APOOL: variants seen among roughly 807,000 people sequenced by gnomAD.
APOOL encodes apolipoprotein O like.
A neutral mutation model predicts 23.1 loss-of-function variants in APOOL; 12 were observed. That is an observed-to-expected ratio of 0.52 (90% CI 0.33 to 0.84). The LOEUF (loss-of-function observed/expected upper bound fraction) is 0.84. Ranked by LOEUF, APOOL falls within the 40% of genes least tolerant of loss-of-function variation. The pLI is 0.02. For missense variants in APOOL, 212 were observed against 199.6 expected, an observed-to-expected ratio of 1.06 and a Z score of -0.37; for synonymous variants, 77 against 69.9, an observed-to-expected ratio of 1.10 and a Z score of -0.51.
rs778101091 is a variant in APOOL at position 85,040,165 on chromosome X, T to G, written c.16-6281T>G. ...TTCTCATTAGCTTATGAAGCATATT[T>G]TGGCTGGATATGATATTCTTGCTTG... On this transcript the variant is annotated intron_variant, in intron 1 of 8. Transcript: ENST00000373173. Among the ~76,000 whole-genome samples the G allele has an allele frequency of 1.6e-4, 18 of 112,274 alleles. No individual in the cohort carries two copies. The South Asian group carries it at 6.6e-3, about 41-fold the overall frequency.
intron 1 of APOOL, among the ~76,000 whole-genome samples, chrX:85,021,568 C>G (rs1921664277): frequency 1.8e-5 from 2 of 111,364 alleles, no homozygotes; most frequent in Non-Finnish European, 3.8e-5. Context: ...ACAACCCAGA[C>G]CCAGGTTCCA....
Position 85,092,714 on chromosome X carries a change from G to A in APOOL, c.*5036G>A. 1 of 505,806 alleles carries A rather than the reference G, an allele frequency of 2.0e-6. No homozygotes were observed. Among genetic ancestry groups the A allele is most frequent in the Non-Finnish European group, 3.0e-6 (1 of 330,859 alleles). 41.7% of individuals were successfully genotyped at this position (505,806 alleles called of 1,213,427 possible). On this transcript the variant is annotated 3_prime_UTR_variant, in exon 9 of 9. Coordinates refer to ENST00000373173, the MANE Select transcript of APOOL (RefSeq NM_198450.6). ...TTACCTTTTGAACTTTTCTATAGCT[G>A]TAAAAAGAAAAAAGTCTCACTGTTC...
chrX:85,046,782 A>G (rs965410490), intron 2 of APOOL, among the ~76,000 whole-genome samples: 1 of 111,917 alleles, frequency 8.9e-6, no homozygotes, highest in African/African-American at 3.2e-5. Context: ...ATGAATAATC[A>G]ATAAGTAGTG....
chrX:85,038,713 A>G (rs1922310530), intron 1 of APOOL, among the ~76,000 whole-genome samples: 1 of 108,370 alleles, frequency 9.2e-6, no homozygotes, highest in East Asian at 2.9e-4. Flanking sequence ...ATTTCATAAT[A>G]GTTTCTGGGG....
chrX:85,008,573 G>GTGTGTGTGTGTGTGTA (rs900170075), intron 1 of APOOL, among the ~76,000 whole-genome samples: 49 of 108,703 alleles, frequency 4.5e-4, no homozygotes, highest in Non-Finnish European at 4.0e-4. Context: ...GTGTGTGTGT[G>GTGTGTGTGTGTGTGTA]TATACCACAG....
intron 1 of APOOL, among the ~76,000 whole-genome samples, chrX:85,023,096 T>G (rs2147478319): frequency 8.9e-6 from 1 of 111,857 alleles, no homozygotes; most frequent in African/African-American, 3.2e-5. Context: ...TCTTTATAAA[T>G]TACCCAGTCT....
intron 3 of APOOL, 55 bp from the exon 4 acceptor site, chrX:85,054,289 C>A: frequency 9.4e-7 from 1 of 1,068,103 alleles, no homozygotes; most frequent in Non-Finnish European, 1.3e-6. Flanking sequence ...AATTTTATCT[C>A]ATTATCAACA....
chrX:85,058,139 G>T (rs1054510423), intron 5 of APOOL, among the ~76,000 whole-genome samples: 1 of 111,008 alleles, frequency 9.0e-6, no homozygotes, highest in African/African-American at 3.3e-5. Context: ...GTAAATGTGT[G>T]CCATGATGGT....
In APOOL at chrX:85,038,524, G is replaced by GTTTTTTTTTTTTT. The variant is rs56248244; in HGVS notation, c.16-7908_16-7896dup. The stretch of plus-strand genomic sequence containing the variant: ...TAAGCTGTGAATCTATCTGGTACAA[G>GTTTTTTTTTTTTT]TTTTTTTTTTTTTTTTTTTTTTTTT... On this transcript the variant is annotated intron_variant, in intron 1 of 8. Transcript: ENST00000373173. 7.6e-4 allele frequency among the ~76,000 whole-genome samples: 33 copies of GTTTTTTTTTTTTT among 43,428 alleles called. 1 individual carries two copies. The highest frequency in any genetic ancestry group is 3.5e-3 in the African/African-American group (33 of 9,313). 37.7% of individuals were successfully genotyped at this position (43,428 alleles called of 115,157 possible). A position where few individuals can be genotyped will look rare whatever the true frequency, so the allele number is the denominator to read the frequency against.
Position 85,014,529 on chromosome X carries a change from A to AT in APOOL, c.15+10615dup, listed in dbSNP as rs59334184. 8.3e-3 allele frequency among the ~76,000 whole-genome samples: 760 copies of AT among 91,435 alleles called. 8 individuals carry two copies. Among genetic ancestry groups the AT allele is most frequent in the East Asian group, 0.073 (211 of 2,905 alleles). 79.4% of individuals were successfully genotyped at this position (91,435 alleles called of 115,157 possible). Reference sequence around the variant, plus strand: ...GGCTTGGTAGTGGCAAATTCTCAGCATTTTTTTTTTTTTGTCTGAAAACGA... The same window carrying AT: ...GGCTTGGTAGTGGCAAATTCTCAGCATTTTTTTTTTTTTTGTCTGAAAACGA... On this transcript the variant is annotated intron_variant, in intron 1 of 8. Coordinates refer to ENST00000373173, the MANE Select transcript of APOOL (RefSeq NM_198450.6).
intron 8 of APOOL, among the ~76,000 whole-genome samples, chrX:85,080,776 C>T (rs1276548443): frequency 6.3e-5 from 7 of 111,581 alleles, no homozygotes; most frequent in African/African-American, 2.0e-4. Context: ...CTGGGTGCTC[C>T]TGTATTGGGT....
chrX:85,020,921 C>T (rs59887058), intron 1 of APOOL, among the ~76,000 whole-genome samples: 2,111 of 111,929 alleles, frequency 0.019, 57 homozygotes, highest in African/African-American at 0.064. Context: ...AGACTATCCC[C>T]AGCCCCAGAC....
At chrX:85,057,513 AATAT>A (rs965242037) in intron 5 of APOOL, among the ~76,000 whole-genome samples, 1 of 105,236 alleles carries the variant, frequency 9.5e-6, no homozygotes, top group Non-Finnish European at 1.9e-5. Context: ...ACATATATAT[AATAT>A]ATATATATGA....
At chrX:85,068,268 A>G (rs761373306) in intron 6 of APOOL, among the ~76,000 whole-genome samples, 2 of 111,095 alleles carry the variant, frequency 1.8e-5, no homozygotes, top group African/African-American at 3.3e-5. Context: ...TCATTTATCT[A>G]TAGGGAAACA....
At chrX:85,046,693 G>A (rs1000362410) in intron 2 of APOOL, 143 bp downstream of exon 2, 1 of 486,996 alleles carries the variant, frequency 2.1e-6, no homozygotes, top group East Asian at 3.9e-5. Context: ...AAATAGTTAT[G>A]AAGTATCTCA....
rs1755741950 is a variant in APOOL, at chrX:85,089,955, A to T, written c.*2277A>T. 1.3e-5 allele frequency: 1 copy of T among 77,768 alleles called. No individual in the cohort carries two copies. The highest frequency in any genetic ancestry group is 1.0e-3 in the South Asian group (1 of 984). 6.4% of individuals were successfully genotyped at this position (77,768 alleles called of 1,213,427 possible). A position where few individuals can be genotyped will look rare whatever the true frequency, so the allele number is the denominator to read the frequency against. On this transcript the variant is annotated 3_prime_UTR_variant, in exon 9 of 9. Coordinates refer to ENST00000373173, the MANE Select transcript of APOOL (RefSeq NM_198450.6). ...TAAACTAGTTAAACAAATATTTAAT[A>T]TTAGCTTAAGCAAAAAAAAAAAAAA...
chrX:85,062,140 C>G (rs1923252685), intron 5 of APOOL, among the ~76,000 whole-genome samples: 1 of 111,410 alleles, frequency 9.0e-6, no homozygotes, highest in Non-Finnish European at 1.9e-5. Flanking sequence ...ATTATTTACC[C>G]AGTAATCATT....
intron 1 of APOOL, among the ~76,000 whole-genome samples, chrX:85,018,369 T>A (rs916070612): frequency 2.7e-5 from 3 of 110,633 alleles, no homozygotes; most frequent in Non-Finnish European, 5.7e-5. Flanking sequence ...TGCTACAAAA[T>A]TTTAAACAAC....
chrX:85,060,884 C>T (rs571236245), intron 5 of APOOL, among the ~76,000 whole-genome samples: 1 of 111,244 alleles, frequency 9.0e-6, no homozygotes, highest in African/African-American at 3.3e-5. Flanking sequence ...CCTTCTCCTG[C>T]CTGATTGCCC....
Sources: gnomAD v4.1 joint callset for allele counts (sites outside exome capture counted in the v4.1 genomes callset) on GRCh38, gnomAD v4.1.1 for gene constraint, MANE v1.5 for transcripts, NCBI Gene and HGNC (gene_info 2026-07-23, HGNC 2026-07-21) for gene names.